Variants in SLC16A2 observed in about 807,000 individuals in gnomAD.
SLC16A2 encodes monocarboxylate transporter 8.
SLC16A2 carries 3 observed loss-of-function variants against 27.2 expected under a neutral mutation model. The observed-to-expected ratio is 0.11, with a 90% CI of 0.05 to 0.28. The LOEUF (loss-of-function observed/expected upper bound fraction) is 0.28, where lower values mean the gene tolerates loss of function less well. SLC16A2 is among the 10% of genes least tolerant of loss of function. The pLI is 1.00. For missense variants in SLC16A2, 295 were observed against 458.5 expected (o/e 0.64, Z 3.26); for synonymous variants, 202 against 187.8 (o/e 1.08, Z -0.62).
chrX:74,524,312 A>G (rs752874401), intron 2 of SLC16A2, 47 bp from the exon 3 acceptor site: 11 of 1,181,137 alleles, frequency 9.3e-6, no homozygotes, highest in Non-Finnish European at 1.3e-5. Context: ...GGGCAGGTAG[A>G]TTGCTGGTCA....
chrX:74,469,289 G>A (rs1290638804), intron 1 of SLC16A2, among the ~76,000 whole-genome samples: 1 of 111,970 alleles, frequency 8.9e-6, no homozygotes, highest in African/African-American at 3.2e-5. Flanking sequence ...AAACATGGGA[G>A]TGCAGATATC....
intron 1 of SLC16A2, among the ~76,000 whole-genome samples, chrX:74,474,255 G>A (rs775157900): frequency 1.8e-5 from 2 of 111,453 alleles, no homozygotes; most frequent in South Asian, 7.5e-4. Flanking sequence ...ACAATATTTT[G>A]TAGCTTTCAG....
At chrX:74,527,074 G>A (rs371649209) in intron 4 of SLC16A2, among the ~76,000 whole-genome samples, 1 of 111,555 alleles carries the variant, frequency 9.0e-6, no homozygotes, top group East Asian at 2.8e-4. Flanking sequence ...CAGTCCCTAG[G>A]AGAAAGGTAG....
chrX:74,467,289 C>T (rs1455655254), intron 1 of SLC16A2, among the ~76,000 whole-genome samples: 3 of 111,708 alleles, frequency 2.7e-5, no homozygotes, highest in Admixed American at 9.6e-5. Context: ...ACCTAGGCTA[C>T]ACAGCAGATT....
chrX:74,430,695 C>T (rs1241305962), intron 1 of SLC16A2, among the ~76,000 whole-genome samples: 2 of 112,339 alleles, frequency 1.8e-5, no homozygotes, highest in Non-Finnish European at 3.8e-5. Flanking sequence ...AACACTTATA[C>T]ACTGTTGGTG....
intron 5 of SLC16A2, 43 bp from the exon 6 acceptor site, chrX:74,531,290 T>G (rs915565642): frequency 1.1e-5 from 12 of 1,123,900 alleles, no homozygotes; most frequent in Middle Eastern, 4.9e-4. Context: ...CTTTGGACAG[T>G]AGGGCAAAGC....
chrX:74,487,209 C>T (rs1315968431), intron 1 of SLC16A2, among the ~76,000 whole-genome samples: 1 of 110,973 alleles, frequency 9.0e-6, no homozygotes. Context: ...TATAAGGCTT[C>T]TCAAACAGTT....
At chrX:74,457,544 C>T (rs1929059815) in intron 1 of SLC16A2, among the ~76,000 whole-genome samples, 1 of 111,685 alleles carries the variant, frequency 9.0e-6, no homozygotes, top group Admixed American at 9.6e-5. Flanking sequence ...TTGCCTTTCC[C>T]CTCATGCTAG....
At chrX:74,422,129 C>A in intron 1 of SLC16A2, 62 bp downstream of exon 1, 1 of 1,082,758 alleles carries the variant, frequency 9.2e-7, no homozygotes, top group South Asian at 1.9e-5. Context: ...CCGCTGCCAC[C>A]GACCCCATAC....
At chrX:74,524,920 C>T in intron 3 of SLC16A2, 111 bp downstream of exon 3, 1 of 695,450 alleles carries the variant, frequency 1.4e-6, no homozygotes, top group South Asian at 2.3e-5. Context: ...GAGCTGGGAC[C>T]TTTGGGAAAA....
chrX:74,468,876 G>A (rs751888018), intron 1 of SLC16A2, among the ~76,000 whole-genome samples: 8 of 110,783 alleles, frequency 7.2e-5, no homozygotes, highest in Non-Finnish European at 1.1e-4. Flanking sequence ...ACAATTTTTT[G>A]TAACTATAGG....
At chrX:74,481,793 AG>A (rs1283468384) in intron 1 of SLC16A2, among the ~76,000 whole-genome samples, 1 of 107,421 alleles carries the variant, frequency 9.3e-6, no homozygotes, top group African/African-American at 3.4e-5. Flanking sequence ...TTGGAATATT[AG>A]GTTATTGATT....
chrX:74,473,167 T>G, intron 1 of SLC16A2: 1 of 642,794 alleles, frequency 1.6e-6, no homozygotes, highest in Non-Finnish European at 2.6e-6. Flanking sequence ...TGAAGACTGA[T>G]TGTTGTAACT....
chrX:74,513,665 C>G (rs1403538347), intron 1 of SLC16A2, among the ~76,000 whole-genome samples: 1 of 111,875 alleles, frequency 8.9e-6, no homozygotes, highest in Non-Finnish European at 1.9e-5. Context: ...AGTCACTTCT[C>G]TTATATAACG....
At chrX:74,488,703 C>G (rs1190111019) in intron 1 of SLC16A2, among the ~76,000 whole-genome samples, 1 of 111,334 alleles carries the variant, frequency 9.0e-6, no homozygotes, top group Non-Finnish European at 1.9e-5. Context: ...AAATATCTCT[C>G]TTTCTTGAAC....
intron 1 of SLC16A2, among the ~76,000 whole-genome samples, chrX:74,513,348 C>T (rs1930264810): frequency 8.9e-6 from 1 of 111,811 alleles, no homozygotes; most frequent in Non-Finnish European, 1.9e-5. Context: ...CTTTCTTTGT[C>T]TTCCCCATAT....
intron 1 of SLC16A2, among the ~76,000 whole-genome samples, chrX:74,506,929 A>C (rs1425765097): frequency 3.4e-5 from 1 of 29,470 alleles, no homozygotes; most frequent in African/African-American, 6.2e-5. Context: ...TTATTTATTT[A>C]TTTATTTATT....
intron 1 of SLC16A2, among the ~76,000 whole-genome samples, chrX:74,471,910 T>C (rs1382273831): frequency 8.9e-6 from 1 of 112,446 alleles, no homozygotes. Flanking sequence ...TTACTTGTCT[T>C]TTTGTAACTG....
At chrX:74,462,553 C>A (rs752519830) in intron 1 of SLC16A2, among the ~76,000 whole-genome samples, 1 of 111,432 alleles carries the variant, frequency 9.0e-6, no homozygotes, top group Non-Finnish European at 1.9e-5. Context: ...CTCCTGACCT[C>A]GTGATCCGCC....
Sources: gnomAD v4.1 joint callset for allele counts (sites outside exome capture counted in the v4.1 genomes callset) on GRCh38, gnomAD v4.1.1 for gene constraint, MANE v1.5 for transcripts, NCBI Gene and HGNC (gene_info 2026-07-23, HGNC 2026-07-21) for gene names.